LRRC72: variants seen among roughly 807,000 people sequenced by gnomAD.
LRRC72 encodes leucine rich repeat containing 72, also known as leucine-rich repeat-containing protein 72.
In LRRC72, 41 loss-of-function variants were observed where a neutral mutation model predicts 35.8. The observed-to-expected ratio is 1.15, with a 90% CI of 0.89 to 1.49. The LOEUF (loss-of-function observed/expected upper bound fraction) is 1.49. LRRC72 is among the 40% of genes most tolerant of loss of function. The probability of loss-of-function intolerance (pLI) is 0.00; values close to 1 mark genes in which losing one functional copy is unlikely to be tolerated. For missense variants in LRRC72, 389 were observed against 330.7 expected, an observed-to-expected ratio of 1.18 and a Z score of -1.37; for synonymous variants, 118 against 119.2, an observed-to-expected ratio of 0.99 and a Z score of 0.07.
chr7:16,549,926 T>A (rs900592284), intron 3 of LRRC72, among the ~76,000 whole-genome samples: 1 of 152,214 alleles, frequency 6.6e-6, no homozygotes, highest in African/African-American at 2.4e-5. Flanking sequence ...AGTTATTAAA[T>A]TAACAGATGT....
chr7:16,551,807 C>G (rs1782554380), intron 3 of LRRC72, among the ~76,000 whole-genome samples: 1 of 151,790 alleles, frequency 6.6e-6, no homozygotes, highest in Admixed American at 6.6e-5. Context: ...TCACTGAGGT[C>G]TGTGAGCCAC....
intron 3 of LRRC72, among the ~76,000 whole-genome samples, chr7:16,541,720 T>C (rs1188774843): frequency 1.3e-5 from 2 of 152,234 alleles, no homozygotes; most frequent in African/African-American, 4.8e-5. Flanking sequence ...AAGACCAGCC[T>C]GGCCAACATG....
chr7:16,552,943 T>C (rs10247960), intron 3 of LRRC72, among the ~76,000 whole-genome samples: 44,242 of 152,112 alleles, frequency 0.29, 6,620 homozygotes, highest in East Asian at 0.39. Context: ...TACTTAACCT[T>C]TCTGTGCCTC....
intron 3 of LRRC72, among the ~76,000 whole-genome samples, chr7:16,545,680 T>G (rs1299677830): frequency 6.6e-6 from 1 of 152,188 alleles, no homozygotes; most frequent in Non-Finnish European, 1.5e-5. Context: ...CAACATGAAT[T>G]ATATCCTTTG....
At chr7:16,542,939 T>G (rs1403663807) in intron 3 of LRRC72, among the ~76,000 whole-genome samples, 1 of 152,196 alleles carries the variant, frequency 6.6e-6, no homozygotes, top group East Asian at 1.9e-4. Context: ...ACTGGTTTAG[T>G]CCGTGTAGTA....
intron 3 of LRRC72, among the ~76,000 whole-genome samples, chr7:16,543,617 C>G (rs756824766): frequency 7.2e-5 from 11 of 152,162 alleles, no homozygotes; most frequent in Non-Finnish European, 1.6e-4. Context: ...TCTAAGCCAA[C>G]CAGAATAATC....
chr7:16,548,681 C>A (rs985252527), intron 3 of LRRC72, among the ~76,000 whole-genome samples: 1 of 152,238 alleles, frequency 6.6e-6, no homozygotes, highest in Non-Finnish European at 1.5e-5. Flanking sequence ...GTGCCTGGCT[C>A]ACTCTTGACA....
At chr7:16,573,381 A>G (rs1782981720) in intron 7 of LRRC72, among the ~76,000 whole-genome samples, 2 of 152,172 alleles carry the variant, frequency 1.3e-5, no homozygotes, top group African/African-American at 4.8e-5. Flanking sequence ...GCTGGAGGCA[A>G]CACACTGCCT....
chr7:16,526,901 C>A lies in LRRC72; in HGVS notation c.-52C>A, dbSNP rs987042768. ...AAGCCAAGTCTCTCTTCGGTGCCAC[C>A]GGCGGGCGAGGCCGGATTAATCACC... is the stretch of plus-strand genomic sequence containing the variant. On this transcript the variant is annotated 5_prime_UTR_variant, in exon 1 of 9. Transcript: ENST00000401542. 2.8e-6 allele frequency: 4 copies of A among 1,437,002 alleles called. No individual in the cohort carries two copies. The highest frequency in any genetic ancestry group is 3.8e-6 in the Non-Finnish European group (4 of 1,057,174). 89.0% of individuals were successfully genotyped at this position (1,437,002 alleles called of 1,614,324 possible). A position where few individuals can be genotyped will look rare whatever the true frequency, so the allele number is the denominator to read the frequency against.
At chr7:16,536,074 T>C (rs1445987263) in intron 2 of LRRC72, among the ~76,000 whole-genome samples, 1 of 152,132 alleles carries the variant, frequency 6.6e-6, no homozygotes, top group African/African-American at 2.4e-5. Context: ...GGTTTCACCA[T>C]GTTGGCTAGG....
intron 3 of LRRC72, among the ~76,000 whole-genome samples, chr7:16,538,159 C>T (rs1031572503): frequency 2.6e-5 from 4 of 152,198 alleles, no homozygotes; most frequent in Non-Finnish European, 5.9e-5. Flanking sequence ...CATCTATATC[C>T]AGCTATGGCT....
At position 16,558,871 on chromosome 7, in the gene LRRC72, A is replaced by C; in HGVS notation, c.317-18A>C. On this transcript the variant is annotated intron_variant, in intron 4 of 8. Coordinates refer to ENST00000401542, the MANE Select transcript of LRRC72 (RefSeq NM_001195280.2). ...AAAAAATGTTTAAAATCTTGTAAAAATATTCTGTTTTTTTTAGGTCTGCAT... is the reference window on the plus strand; with the variant it reads ...AAAAAATGTTTAAAATCTTGTAAAACTATTCTGTTTTTTTTAGGTCTGCAT... The C allele has an allele frequency of 3.0e-6, 4 of 1,345,236 alleles. No individual in the cohort carries two copies. Among genetic ancestry groups the C allele is most frequent in the Non-Finnish European group, 3.9e-6 (4 of 1,018,464 alleles). The allele number at this position is 1,345,236 out of a possible 1,614,324, so 83.3% of individuals were successfully genotyped here. A position where few individuals can be genotyped will look rare whatever the true frequency, so the allele number is the denominator to read the frequency against.
intron 3 of LRRC72, among the ~76,000 whole-genome samples, chr7:16,539,120 A>G (rs994178424): frequency 2.0e-5 from 3 of 152,232 alleles, no homozygotes; most frequent in African/African-American, 7.2e-5. Flanking sequence ...GACATGGGAA[A>G]GTTTGGAACT....
At chr7:16,566,545 A>G (rs1782848314) in intron 6 of LRRC72, 143 bp downstream of exon 6, 2 of 532,596 alleles carry the variant, frequency 3.8e-6, no homozygotes, top group East Asian at 3.3e-5. Context: ...AAGTTTTTCA[A>G]TTATTTATTT....
chr7:16,566,473 G>C, intron 6 of LRRC72, 71 bp downstream of exon 6: 1 of 873,508 alleles, frequency 1.1e-6, no homozygotes, highest in Non-Finnish European at 1.7e-6. Flanking sequence ...TAAAAACGAA[G>C]ACTACCTTTG....
intron 2 of LRRC72, among the ~76,000 whole-genome samples, chr7:16,536,108 G>A (rs939035065): frequency 3.3e-5 from 5 of 151,988 alleles, no homozygotes; most frequent in African/African-American, 7.2e-5. Context: ...CCTGACCTTA[G>A]GTGATCCATC....
intron 7 of LRRC72, among the ~76,000 whole-genome samples, chr7:16,577,885 A>G (rs750128399): frequency 1.8e-4 from 28 of 152,220 alleles, no homozygotes; most frequent in Non-Finnish European, 3.5e-4. Context: ...GTTGTTAAAG[A>G]TGAGGGGGGA....
intron 3 of LRRC72, among the ~76,000 whole-genome samples, chr7:16,540,750 T>G (rs1019384342): frequency 1.1e-4 from 17 of 152,180 alleles, no homozygotes; most frequent in Non-Finnish European, 1.5e-5. Flanking sequence ...TCCTCTTTCA[T>G]GCTCTTTCTC....
intron 5 of LRRC72, among the ~76,000 whole-genome samples, chr7:16,559,550 C>T (rs777240651): frequency 5.9e-5 from 9 of 152,060 alleles, no homozygotes; most frequent in African/African-American, 9.7e-5. Flanking sequence ...AGAGGATTTA[C>T]ATGTTTAAAT....
Sources: gnomAD v4.1 joint callset for allele counts (sites outside exome capture counted in the v4.1 genomes callset) on GRCh38, gnomAD v4.1.1 for gene constraint, MANE v1.5 for transcripts, NCBI Gene and HGNC (gene_info 2026-07-23, HGNC 2026-07-21) for gene names.